Variants in ZBTB37 observed in about 807,000 individuals in gnomAD.
ZBTB37 encodes zinc finger and BTB domain-containing protein 37.
A neutral mutation model predicts 37.7 loss-of-function variants in ZBTB37; 15 were observed. The observed-to-expected ratio is 0.40, with a 90% CI of 0.27 to 0.61. The LOEUF is 0.61. Among genes scored for constraint, ZBTB37 ranks in the 20% least tolerant of loss-of-function variants. The pLI, the probability that ZBTB37 is intolerant of heterozygous loss-of-function variation, is 0.44. For missense variants in ZBTB37, 514 were observed against 641.9 expected (o/e 0.80, Z 2.15); for synonymous variants, 231 against 220.6 (o/e 1.05, Z -0.42).
downstream of ZBTB37, chr1:173,888,653 C>T (rs931176835): frequency 6.6e-6 from 1 of 152,032 alleles, no homozygotes; most frequent in African/African-American, 2.4e-5. Context: ...TGGTCTTGAA[C>T]TCCTGGCCTC....
chr1:173,878,827 T>A (rs1656127570), intron 4 of ZBTB37, among the ~76,000 whole-genome samples: 1 of 152,176 alleles, frequency 6.6e-6, no homozygotes, highest in South Asian at 2.1e-4. Flanking sequence ...CTCATGCCTA[T>A]AATCCCAGCA....
chr1:173,902,580 A>G (rs1657306788), exon 4 of ZBTB37: 3 of 152,204 alleles, frequency 2.0e-5, no homozygotes, highest in South Asian at 2.1e-4. Flanking sequence ...CTTATTTCCT[A>G]AGAATATCAG....
intron 4 of ZBTB37, among the ~76,000 whole-genome samples, chr1:173,878,761 A>G (rs986405057): frequency 5.9e-5 from 9 of 152,226 alleles, no homozygotes; most frequent in African/African-American, 1.9e-4. Context: ...TTACACCTGT[A>G]TAAAAGTTCT....
intron 2 of ZBTB37, 55 bp from the exon 3 acceptor site, chr1:173,870,145 A>C: frequency 8.1e-7 from 1 of 1,233,526 alleles, no homozygotes; most frequent in Non-Finnish European, 1.1e-6. Flanking sequence ...AATGGAAACC[A>C]TCCGGGAAGT....
chr1:173,870,919 C>A (rs774266791), exon 3 of ZBTB37: 1 of 1,614,084 alleles, frequency 6.2e-7, no homozygotes, highest in South Asian at 1.1e-5. Flanking sequence ...CCGTGGGGGT[C>A]GGAGTGATGA....
At chr1:173,898,138 T>A (rs897988087) in exon 4 of ZBTB37, 1 of 151,572 alleles carries the variant, frequency 6.6e-6, no homozygotes, top group African/African-American at 2.4e-5. Flanking sequence ...AGAGATGGAG[T>A]CTCCCTATGT....
intron 4 of ZBTB37, among the ~76,000 whole-genome samples, chr1:173,875,810 A>G (rs1186496715): frequency 6.6e-6 from 1 of 151,820 alleles, no homozygotes; most frequent in Non-Finnish European, 1.5e-5. Context: ...GCGCACTACC[A>G]TGCCCAGCTG....
At chr1:173,870,563 A>G in exon 3 of ZBTB37, 1 of 1,614,228 alleles carries the variant, frequency 6.2e-7, no homozygotes, top group Non-Finnish European at 8.5e-7. Context: ...CAAATGCAGC[A>G]TATTATAGAC....
intron 4 of ZBTB37, among the ~76,000 whole-genome samples, chr1:173,878,311 T>A (rs1442300660): frequency 6.6e-6 from 1 of 152,258 alleles, no homozygotes; most frequent in East Asian, 1.9e-4. Context: ...CCTGTTAAAC[T>A]GAAATCTCCT....
At chr1:173,871,960 A>C (rs746526717) in intron 3 of ZBTB37, among the ~76,000 whole-genome samples, 8 of 152,232 alleles carry the variant, frequency 5.3e-5, no homozygotes, top group Admixed American at 2.6e-4. Context: ...TAAATTGACT[A>C]TATGAGCAAA....
At chr1:173,885,312 ATCCAGGG>A (rs1421685997) in intron 4 of ZBTB37, among the ~76,000 whole-genome samples, 14 of 152,336 alleles carry the variant, frequency 9.2e-5, no homozygotes, top group African/African-American at 2.6e-4. Flanking sequence ...TAAGATTAGG[ATCCAGGG>A]TATAGTATAA....
chr1:173,875,688 C>G (rs1035078632), intron 4 of ZBTB37, among the ~76,000 whole-genome samples: 2 of 151,830 alleles, frequency 1.3e-5, no homozygotes, highest in Non-Finnish European at 2.9e-5. Flanking sequence ...GGGTCTCACT[C>G]TGGTTGACCA....
At chr1:173,882,237 C>CT (rs1160364347) in intron 4 of ZBTB37, among the ~76,000 whole-genome samples, 6,811 of 88,010 alleles carry the variant, frequency 0.077, 853 homozygotes, top group Middle Eastern at 0.093. Context: ...ATGGTAGTTT[C>CT]TTTTTTTTTT....
chr1:173,876,913 T>TAGATGGTATA (rs1248026165), intron 4 of ZBTB37, among the ~76,000 whole-genome samples: 1 of 152,182 alleles, frequency 6.6e-6, no homozygotes, highest in East Asian at 1.9e-4. Flanking sequence ...TACACAAATT[T>TAGATGGTATA]AGATGGTATA....
chr1:173,885,901 A>G (rs1656593611), exon 5 of ZBTB37: 2 of 1,551,698 alleles, frequency 1.3e-6, no homozygotes, highest in South Asian at 1.2e-5. Context: ...AAGCCCTTTC[A>G]CTGTCATGTC....
intron 3 of ZBTB37, 101 bp downstream of exon 3, chr1:173,871,249 C>G (rs1407156423): frequency 1.6e-6 from 2 of 1,218,988 alleles, no homozygotes; most frequent in Non-Finnish European, 2.2e-6. Flanking sequence ...ACCTGATTTT[C>G]TTGGTCAAAA....
At chr1:173,880,472 A>G (rs1054831189) in intron 4 of ZBTB37, among the ~76,000 whole-genome samples, 8 of 152,208 alleles carry the variant, frequency 5.3e-5, no homozygotes, top group African/African-American at 1.9e-4. Flanking sequence ...GAAAATATGG[A>G]AACCTTTCAT....
chr1:173,891,775 C>A (rs908937842), exon 4 of ZBTB37: 1 of 151,970 alleles, frequency 6.6e-6, no homozygotes, highest in Non-Finnish European at 1.5e-5. Context: ...AAAAAAAAAT[C>A]CTTGCAAGAA....
chr1:173,901,640 A>T (rs186845006), exon 4 of ZBTB37: 2 of 152,382 alleles, frequency 1.3e-5, no homozygotes, highest in African/African-American at 4.8e-5. Context: ...GGCTCAAGCG[A>T]TCCTCCCACC....
Sources: allele counts gnomAD v4.1 joint callset (sites outside exome capture counted in the v4.1 genomes callset), GRCh38; gene constraint gnomAD v4.1.1; transcripts MANE v1.5; gene names NCBI Gene and HGNC (gene_info 2026-07-23, HGNC 2026-07-21).